Variants in CDH4 observed in about 807,000 individuals in gnomAD.
CDH4 encodes the protein cadherin-4.
Under a neutral mutation model 86.0 loss-of-function variants are expected in CDH4, and 33 were observed. The ratio of observed to expected loss-of-function variants is 0.38; its 90% CI spans 0.29 to 0.51. CDH4 has a LOEUF of 0.51. Among genes scored for constraint, CDH4 ranks in the 20% least tolerant of loss-of-function variants. The probability of loss-of-function intolerance (pLI) is 0.86; values close to 1 mark genes in which losing one functional copy is unlikely to be tolerated. For synonymous variants in CDH4, 555 were observed against 549.4 expected (o/e 1.01, Z -0.14); for missense variants, 1,114 against 1,307.4 (o/e 0.85, Z 2.28).
At chr20:61,328,186 A>C (rs1309298299) in intron 2 of CDH4, among the ~76,000 whole-genome samples, 2 of 151,782 alleles carry the variant, frequency 1.3e-5, no homozygotes, top group Non-Finnish European at 2.9e-5. Flanking sequence ...ATTTTTTAAA[A>C]TTTTTTTGAG....
At chr20:61,455,619 G>T (rs188832598) in intron 2 of CDH4, among the ~76,000 whole-genome samples, 1 of 152,346 alleles carries the variant, frequency 6.6e-6, no homozygotes, top group Non-Finnish European at 1.5e-5. Context: ...CCAGCCACAT[G>T]TGGAGCTTCC....
intron 2 of CDH4, among the ~76,000 whole-genome samples, chr20:61,408,219 G>A (rs1891778): frequency 0.39 from 59,158 of 151,896 alleles, 13,801 homozygotes; most frequent in South Asian, 0.6. Flanking sequence ...TCTGCATCTC[G>A]AACTCCTTAA....
intron 6 of CDH4, among the ~76,000 whole-genome samples, chr20:61,858,221 CTCTGTG>C (rs1365674163): frequency 1.4e-5 from 2 of 138,368 alleles, no homozygotes; most frequent in African/African-American, 2.8e-5. Flanking sequence ...GTGTCTGTGT[CTCTGTG>C]TCTGTGTGTC....
intron 2 of CDH4, among the ~76,000 whole-genome samples, chr20:61,662,575 C>T (rs762588637): frequency 7.9e-5 from 12 of 152,198 alleles, no homozygotes; most frequent in Non-Finnish European, 1.8e-4. Flanking sequence ...CCTGAGTCCC[C>T]AGCTGTGGCT....
chr20:61,389,448 T>A (rs2084969224), intron 2 of CDH4, among the ~76,000 whole-genome samples: 1 of 152,356 alleles, frequency 6.6e-6, no homozygotes, highest in South Asian at 2.1e-4. Context: ...GTATTTCTCA[T>A]ACCTAATTCC....
In CDH4 at chr20:61,859,843, T is replaced by G. The variant is rs556979730; in HGVS notation, c.877+6945T>G. Among the ~76,000 whole-genome samples the G allele has an allele frequency of 3.9e-5, 6 of 152,392 alleles. 1 individual carries two copies. The highest frequency in any genetic ancestry group is 7.2e-5 in the African/African-American group (3 of 41,598). On this transcript the variant is annotated intron_variant, in intron 6 of 15. Transcript: ENST00000614565. Reference sequence around the variant, plus strand: ...TGGACAGTGTGAGGTGGTCATGCCCTGGCCTTCACCTGTGTCCCTCCACCA... The same window carrying G: ...TGGACAGTGTGAGGTGGTCATGCCCGGGCCTTCACCTGTGTCCCTCCACCA...
intron 7 of CDH4, among the ~76,000 whole-genome samples, chr20:61,887,822 A>G (rs1391723927): frequency 6.6e-6 from 1 of 152,154 alleles, no homozygotes; most frequent in East Asian, 1.9e-4. Context: ...TGGCGGTGCC[A>G]TGCTGCGGGA....
chr20:61,384,522 A>C (rs577573288), intron 2 of CDH4, among the ~76,000 whole-genome samples: 11 of 152,318 alleles, frequency 7.2e-5, no homozygotes, highest in African/African-American at 2.4e-4. Context: ...CCTGCAAACC[A>C]GTCTTTTCTG....
At chr20:61,424,094 GTATACACACA>G (rs1228498886) in intron 2 of CDH4, among the ~76,000 whole-genome samples, 34 of 147,026 alleles carry the variant, frequency 2.3e-4, no homozygotes, top group Admixed American at 2.7e-4. Context: ...GTATACACAC[GTATACACACA>G]TATACACACA....
rs773592062 is a variant in CDH4, at chr20:61,773,048, C to T, written c.442C>T (p.Pro148Ser). 3.7e-6 allele frequency: 6 copies of T among 1,613,660 alleles called. No homozygotes were observed. Among genetic ancestry groups the T allele is most frequent in the African/African-American group, 1.3e-5 (1 of 74,928 alleles). ...KVVALDPSPP[P>S]KDTLLPWPQH... is the part of the protein sequence containing the mutation. ...CGTGGCTCTGGACCCCTCTCCGCCTCCGAAGGACACCCTGCTGCCGTGGCC... is the reference window on the plus strand; with the variant it reads ...CGTGGCTCTGGACCCCTCTCCGCCTTCGAAGGACACCCTGCTGCCGTGGCC... The change falls in exon 4 of 16, where the codon CCG (proline) becomes TCG (serine). Residue 148 changes from proline (P) to serine (S), a missense_variant. Pro to Ser is a moderately conservative substitution (Grantham distance 74). This residue lies in a region of CDH4 where 221 missense variants were observed against 209.5 expected (regional missense o/e 1.05). Transcript: ENST00000614565.
rs144298894 is a variant in CDH4, at chr20:61,284,247, T to G, written c.169+29310T>G. On this transcript the variant is annotated intron_variant, in intron 2 of 15. Transcript: ENST00000614565. Reference sequence around the variant, plus strand: ...GGAGAATGCTTGAACCCGGGAGGCATAGCTTGCAGTGAGCTGAGATTGCAC... The same window carrying G: ...GGAGAATGCTTGAACCCGGGAGGCAGAGCTTGCAGTGAGCTGAGATTGCAC... Among the ~76,000 whole-genome samples, 1,118 of 151,804 alleles carry G rather than the reference T, an allele frequency of 7.4e-3. 16 individuals are homozygous for G. Among genetic ancestry groups the G allele is most frequent in the African/African-American group, 0.026 (1,073 of 41,350 alleles).
chr20:61,452,888 C>A (rs2085388292), intron 2 of CDH4, among the ~76,000 whole-genome samples: 1 of 152,176 alleles, frequency 6.6e-6, no homozygotes, highest in Non-Finnish European at 1.5e-5. Flanking sequence ...TTCCACCATC[C>A]ATTTACACCA....
chr20:61,871,137 C>T (rs1214133530), intron 6 of CDH4, among the ~76,000 whole-genome samples: 8 of 152,042 alleles, frequency 5.3e-5, no homozygotes, highest in Non-Finnish European at 8.8e-5. Context: ...CCTCTAGAAT[C>T]ATTTTCCTTC....
At chr20:61,820,329 G>A (rs1326953225) in intron 4 of CDH4, among the ~76,000 whole-genome samples, 3 of 152,386 alleles carry the variant, frequency 2.0e-5, no homozygotes, top group Non-Finnish European at 4.4e-5. Context: ...GTCCGTGGGG[G>A]ACGTATGCAG....
intron 2 of CDH4, among the ~76,000 whole-genome samples, chr20:61,431,039 T>C (rs6089301): frequency 0.028 from 4,339 of 152,328 alleles, 97 homozygotes; most frequent in Non-Finnish European, 0.044. Context: ...CCAGAGACTG[T>C]GTTGCTGTGT....
chr20:61,462,929 TTGAC>T (rs745931625), intron 2 of CDH4, among the ~76,000 whole-genome samples: 3 of 152,170 alleles, frequency 2.0e-5, no homozygotes, highest in Non-Finnish European at 4.4e-5. Context: ...GTGAAATGGT[TTGAC>T]TGTGTCCTCA....
intron 2 of CDH4, among the ~76,000 whole-genome samples, chr20:61,334,264 C>T (rs1351354656): frequency 6.6e-6 from 1 of 152,182 alleles, no homozygotes; most frequent in African/African-American, 2.4e-5. Context: ...GGAGTACTTC[C>T]TATTTTTGTG....
chr20:61,791,369 G>A (rs1270653568), intron 4 of CDH4, among the ~76,000 whole-genome samples: 1 of 152,234 alleles, frequency 6.6e-6, no homozygotes, highest in Admixed American at 6.5e-5. Flanking sequence ...CAAAAATGTG[G>A]ACTTAGAGAA....
chr20:61,258,112 G>A (rs1238178214), intron 2 of CDH4, among the ~76,000 whole-genome samples: 3 of 151,930 alleles, frequency 2.0e-5, no homozygotes, highest in African/African-American at 4.8e-5. Context: ...GGTGGATCAC[G>A]AGGTCAGGAG....
Sources: gnomAD v4.1 joint callset for allele counts (sites outside exome capture counted in the v4.1 genomes callset) on GRCh38, gnomAD v4.1.1 for gene constraint, gnomAD v4.1.1 regional missense constraint, MANE v1.5 for transcripts, NCBI Gene and HGNC (gene_info 2026-07-23, HGNC 2026-07-21) for gene names.